The following PRLR variants were observed in gnomAD, a reference collection of about 807,000 sequenced individuals.
The protein encoded by PRLR is hPRL receptor.
A neutral mutation model predicts 40.2 loss-of-function variants in PRLR; 13 were observed. The ratio of observed to expected loss-of-function variants is 0.32; its 90% confidence interval spans 0.21 to 0.51. The LOEUF (loss-of-function observed/expected upper bound fraction) is 0.51. Ranked by LOEUF, PRLR falls within the 20% of genes least tolerant of loss-of-function variation. The pLI is 0.97. For missense variants in PRLR, 656 were observed against 747.3 expected, an observed-to-expected ratio of 0.88 and a Z score of 1.42; for synonymous variants, 269 against 278.7, an observed-to-expected ratio of 0.97 and a Z score of 0.35.
chr5:35,065,479 C>T lies in PRLR; in HGVS notation c.1479G>A (p.Leu493=). 1 of 1,614,174 alleles carries T rather than the reference C, an allele frequency of 6.2e-7. No individual in the cohort carries two copies. The highest frequency in any genetic ancestry group is 8.5e-7 in the Non-Finnish European group (1 of 1,180,022). ...HSETDQDTPW[L]LPQEKTPFGS... ...CAAAGGGGGTTTTCTCCTGGGGCAGCAGCCAGGGCGTATCCTGGTCAGTCT... is the reference window on the plus strand; with the variant it reads ...CAAAGGGGGTTTTCTCCTGGGGCAGTAGCCAGGGCGTATCCTGGTCAGTCT... Residue 493 remains leucine, a synonymous_variant, in exon 10 of 10, where the codon CTG becomes CTA. Transcript: ENST00000618457.
intron 1 of PRLR, among the ~76,000 whole-genome samples, chr5:35,173,589 C>A (rs550755476): frequency 6.6e-6 from 1 of 152,290 alleles, no homozygotes; most frequent in East Asian, 1.9e-4. Context: ...ACCTTGCCCT[C>A]CTCCAAGGCC....
rs1466514552 is a variant in PRLR at position 35,056,029 on chromosome 5, G to A, written c.*9060C>T. 4 of 152,054 alleles carry A rather than the reference G, an allele frequency of 2.6e-5. No individual in the cohort carries two copies. Among genetic ancestry groups the A allele is most frequent in the African/African-American group, 7.2e-5 (3 of 41,402 alleles). The allele number at this position is 152,054 out of a possible 1,614,324, so 9.4% of individuals were successfully genotyped here. On this transcript the variant is annotated 3_prime_UTR_variant, in exon 10 of 10. Transcript: ENST00000618457. Reference sequence around the variant, plus strand: ...AGTATTCACCAATCAACATCCATGCGGTGTTTTATTTGACCCACATCCTCT... The same window carrying A: ...AGTATTCACCAATCAACATCCATGCAGTGTTTTATTTGACCCACATCCTCT...
Position 35,086,231 on chromosome 5 carries a change from A to G in PRLR, c.180T>C (p.Tyr60=). Residue 60 remains tyrosine (Y), a synonymous_variant, in exon 4 of 10, where the codon TAT becomes TAC. Coordinates refer to ENST00000618457, the MANE Select transcript of PRLR (RefSeq NM_000949.7). ...PGTDGGLPTN[Y]SLTYHREGET... The stretch of plus-strand genomic sequence containing the variant: ...ACCCTTCCCTGTGGTAAGTCAGTGA[A>G]TAATTGGTAGGAAGTCCTCCATCTG... The G allele has an allele frequency of 6.2e-7, 1 of 1,614,016 alleles. No homozygotes were observed. Among genetic ancestry groups the G allele is most frequent in the East Asian group, 2.2e-5 (1 of 44,878 alleles).
chr5:35,182,338 G>A (rs534078090), intron 1 of PRLR, among the ~76,000 whole-genome samples: 8 of 152,200 alleles, frequency 5.3e-5, no homozygotes, highest in South Asian at 4.2e-4. Flanking sequence ...GTGATGTAGC[G>A]TTCTATATAG....
At chr5:35,050,119 G>A (rs922994551) in intron 8 of PRLR, among the ~76,000 whole-genome samples, 3 of 151,982 alleles carry the variant, frequency 2.0e-5, no homozygotes, top group East Asian at 1.9e-4. Flanking sequence ...GGCTGGTCTC[G>A]AACTCCTGAC....
At chr5:35,103,365 C>A (rs1772020038) in intron 2 of PRLR, among the ~76,000 whole-genome samples, 1 of 152,216 alleles carries the variant, frequency 6.6e-6, no homozygotes, top group Non-Finnish European at 1.5e-5. Context: ...GTACAGCTAA[C>A]TCCCCGTTGG....
intron 1 of PRLR, among the ~76,000 whole-genome samples, chr5:35,178,798 C>T (rs1775215188): frequency 6.6e-6 from 1 of 152,086 alleles, no homozygotes; most frequent in Admixed American, 6.5e-5. Context: ...TATTAATATA[C>T]TAGTTAAGTA....
rs530424713 is a variant in PRLR, at chr5:35,142,988, A to G, written c.-105-24866T>C. 2.7e-4 allele frequency among the ~76,000 whole-genome samples: 41 copies of G among 152,390 alleles called. 1 individual carries two copies. In the South Asian group the frequency reaches 8.3e-3, roughly 31 times the overall value. Reference sequence around the variant, plus strand: ...TGCAAAGTACTTGAGTGCCTGGAACATAATCTCACCCAATAAATGTCAGCT... The same window carrying G: ...TGCAAAGTACTTGAGTGCCTGGAACGTAATCTCACCCAATAAATGTCAGCT... On this transcript the variant is annotated intron_variant, in intron 1 of 9. Coordinates refer to ENST00000618457, the MANE Select transcript of PRLR (RefSeq NM_000949.7).
At chr5:35,154,915 C>G (rs1258711231) in intron 1 of PRLR, among the ~76,000 whole-genome samples, 2 of 151,044 alleles carry the variant, frequency 1.3e-5, no homozygotes, top group Non-Finnish European at 2.9e-5. Context: ...CATGTTTTCA[C>G]TTATTAGTGG....
At chr5:35,192,317 G>A (rs1210793724) in intron 1 of PRLR, among the ~76,000 whole-genome samples, 1 of 152,076 alleles carries the variant, frequency 6.6e-6, no homozygotes. Context: ...TGGAAATTCA[G>A]GGCTCCTTGT....
intron 2 of PRLR, among the ~76,000 whole-genome samples, chr5:35,094,197 T>C (rs538343905): frequency 1.3e-5 from 2 of 152,346 alleles, no homozygotes; most frequent in South Asian, 2.1e-4. Context: ...TCCTTCCTGA[T>C]AGAAACCATT....
At chr5:35,102,262 G>T (rs1561299119) in intron 2 of PRLR, among the ~76,000 whole-genome samples, 1 of 152,090 alleles carries the variant, frequency 6.6e-6, no homozygotes, top group African/African-American at 2.4e-5. Flanking sequence ...TATAGGATGT[G>T]CTCAGCTGCT....
chr5:35,083,121 G>A (rs1770623812), intron 5 of PRLR, among the ~76,000 whole-genome samples: 1 of 150,828 alleles, frequency 6.6e-6, no homozygotes, highest in South Asian at 2.1e-4. Flanking sequence ...TATAAAATTT[G>A]TCATTCATCA....
rs1775321120 is a variant in PRLR, at chr5:35,182,526, C to T, written c.-106+47742G>A. ...GTATTTACTGGGAGCATGAAATAAG[C>T]TCATTCTGTCATATGCAGTTGATCA... is the stretch of plus-strand genomic sequence containing the variant. On this transcript the variant is annotated intron_variant, in intron 1 of 9. Transcript: ENST00000618457. Among the ~76,000 whole-genome samples the T allele has an allele frequency of 2.0e-5, 3 of 152,174 alleles. No homozygotes were observed. In the South Asian group the frequency reaches 6.2e-4, roughly 32 times the overall value.
chr5:35,085,148 T>G (rs1190535157), intron 4 of PRLR, among the ~76,000 whole-genome samples: 1 of 152,178 alleles, frequency 6.6e-6, no homozygotes, highest in African/African-American at 2.4e-5. Context: ...AAGTCAGCAA[T>G]AAAGTGAAGT....
chr5:35,184,133 T>C (rs146970684), intron 1 of PRLR, among the ~76,000 whole-genome samples: 2 of 152,296 alleles, frequency 1.3e-5, no homozygotes, highest in East Asian at 3.9e-4. Context: ...CTGGAATTCC[T>C]GATAATTGAG....
At chr5:35,077,923 TG>T (rs1770227076) in intron 5 of PRLR, among the ~76,000 whole-genome samples, 3 of 152,156 alleles carry the variant, frequency 2.0e-5, no homozygotes. Flanking sequence ...CTCAACTACA[TG>T]GAAACTGAAC....
At chr5:35,221,893 T>C (rs927781009) in intron 1 of PRLR, among the ~76,000 whole-genome samples, 2 of 152,240 alleles carry the variant, frequency 1.3e-5, no homozygotes, top group Non-Finnish European at 2.9e-5. Flanking sequence ...AGAGGCTGTA[T>C]TGCCAAGACT....
At chr5:35,152,018 G>A (rs1193502502) in intron 1 of PRLR, among the ~76,000 whole-genome samples, 1 of 152,146 alleles carries the variant, frequency 6.6e-6, no homozygotes, top group Non-Finnish European at 1.5e-5. Flanking sequence ...ATAGAAAGGT[G>A]TTTTTCAGAA....
Sources: gnomAD v4.1 joint callset for allele counts (sites outside exome capture counted in the v4.1 genomes callset) on GRCh38, gnomAD v4.1.1 for gene constraint, MANE v1.5 for transcripts, NCBI Gene and HGNC (gene_info 2026-07-23, HGNC 2026-07-21) for gene names.